DPP6: variants seen among roughly 807,000 people sequenced by gnomAD.
DPP6 encodes the protein dipeptidyl peptidase like 6, also known as A-type potassium channel modulatory protein DPP6.
Under a neutral mutation model 122.6 loss-of-function variants are expected in DPP6, and 69 were observed. The observed-to-expected ratio is 0.56, with a 90% CI of 0.46 to 0.69. The LOEUF (loss-of-function observed/expected upper bound fraction) is 0.69. Ranked by LOEUF, DPP6 falls within the 30% of genes least tolerant of loss-of-function variation. The probability of loss-of-function intolerance (pLI) is 0.00; values close to 1 mark genes in which losing one functional copy is unlikely to be tolerated. For synonymous variants in DPP6, 418 were observed against 433.1 expected (o/e 0.97, Z 0.43); for missense variants, 928 against 1,116.9 (o/e 0.83, Z 2.41).
chr7:154,293,274 G>A (rs1272107232), intron 1 of DPP6, among the ~76,000 whole-genome samples: 1 of 152,218 alleles, frequency 6.6e-6, no homozygotes, highest in Non-Finnish European at 1.5e-5. Context: ...CTTCTAACAT[G>A]TAAGAAGCCT....
chr7:154,718,634 CTTTTTT>C (rs542191130), intron 7 of DPP6, among the ~76,000 whole-genome samples: 4 of 111,486 alleles, frequency 3.6e-5, no homozygotes, highest in Non-Finnish European at 3.4e-5. Context: ...CTTCCTCCTC[CTTTTTT>C]TTTTTTTTTT....
chr7:153,818,972 G>A, the DPP6 span, among the ~76,000 whole-genome samples: 2 of 149,760 alleles, frequency 1.3e-5, no homozygotes, highest in Non-Finnish European at 3.0e-5. Context: ...GGCTGGTCTC[G>A]AACTCCTGAC....
chr7:154,611,900 C>G (rs559488439), intron 5 of DPP6, among the ~76,000 whole-genome samples: 1 of 151,940 alleles, frequency 6.6e-6, no homozygotes, highest in Admixed American at 6.5e-5. Context: ...GTATTTAGTT[C>G]TGTGCAATCT....
At chr7:154,572,431 C>G (rs1166067900) in intron 5 of DPP6, among the ~76,000 whole-genome samples, 1 of 151,478 alleles carries the variant, frequency 6.6e-6, no homozygotes, top group Non-Finnish European at 1.5e-5. Flanking sequence ...ATTATTGAAC[C>G]CATATTGTGG....
intron 7 of DPP6, among the ~76,000 whole-genome samples, chr7:154,706,247 T>C (rs1840822763): frequency 6.6e-6 from 1 of 152,124 alleles, no homozygotes; most frequent in Non-Finnish European, 1.5e-5. Flanking sequence ...CCTCGGAGGA[T>C]TGTCCTTTCT....
chr7:154,219,506 C>T (rs1370055038), intron 1 of DPP6, among the ~76,000 whole-genome samples: 2 of 152,148 alleles, frequency 1.3e-5, no homozygotes, highest in South Asian at 2.1e-4. Flanking sequence ...TGAAGCTTAC[C>T]CATTGAAGAG....
chr7:154,649,912 C>G (rs181112052), intron 6 of DPP6, among the ~76,000 whole-genome samples: 150 of 152,304 alleles, frequency 9.8e-4, no homozygotes, highest in African/African-American at 3.4e-3. Flanking sequence ...AAGCCTGGTT[C>G]CTGCTTGCTC....
chr7:153,981,453 G>A (rs1796581281), intron 1 of DPP6, among the ~76,000 whole-genome samples: 1 of 152,104 alleles, frequency 6.6e-6, no homozygotes, highest in East Asian at 1.9e-4. Context: ...TGTGAAGTGG[G>A]TCTCCTGAAT....
At chr7:154,370,210 TG>T (rs1469606801) in intron 1 of DPP6, among the ~76,000 whole-genome samples, 1 of 152,184 alleles carries the variant, frequency 6.6e-6, no homozygotes, top group Non-Finnish European at 1.5e-5. Flanking sequence ...CTTGAACCCC[TG>T]ACCTCAGGTG....
intron 1 of DPP6, among the ~76,000 whole-genome samples, chr7:154,309,744 A>G (rs1806694384): frequency 6.6e-6 from 1 of 152,240 alleles, no homozygotes; most frequent in African/African-American, 2.4e-5. Flanking sequence ...GAACACAGAA[A>G]AACAAGATTC....
chr7:154,827,580 T>C (rs1176904514), intron 16 of DPP6, among the ~76,000 whole-genome samples: 1 of 151,248 alleles, frequency 6.6e-6, no homozygotes, highest in Non-Finnish European at 1.5e-5. Context: ...AAGGGATGCG[T>C]CTCTTGGAAA....
intron 1 of DPP6, among the ~76,000 whole-genome samples, chr7:154,183,109 T>C (rs1798175805): frequency 6.6e-6 from 1 of 152,212 alleles, no homozygotes; most frequent in Admixed American, 6.5e-5. Context: ...TTGCTGTTGT[T>C]GAGTCCCCAG....
chr7:154,522,906 A>T (rs571964775), intron 3 of DPP6, among the ~76,000 whole-genome samples: 3 of 152,266 alleles, frequency 2.0e-5, no homozygotes, highest in Admixed American at 6.5e-5. Context: ...TAAACACGAG[A>T]ATAGTTGCTC....
chr7:153,820,224 C>T, the DPP6 span, among the ~76,000 whole-genome samples: 229 of 152,296 alleles, frequency 1.5e-3, no homozygotes, highest in African/African-American at 5.3e-3. Context: ...TTGGAAGGTA[C>T]TGGAGACAGA....
chr7:154,883,047 AC>A (rs1805533275), intron 21 of DPP6, among the ~76,000 whole-genome samples: 1 of 99,796 alleles, frequency 1.0e-5, no homozygotes, highest in African/African-American at 4.9e-5. Context: ...GCTCACACAC[AC>A]ATGCTCACAC....
chr7:154,820,518 G>A (rs186297592), intron 16 of DPP6, among the ~76,000 whole-genome samples: 4 of 152,270 alleles, frequency 2.6e-5, no homozygotes, highest in Admixed American at 1.3e-4. Flanking sequence ...AATGAATACG[G>A]CTTCTTAATT....
intron 16 of DPP6, among the ~76,000 whole-genome samples, chr7:154,825,028 T>G (rs1280156399): frequency 6.6e-6 from 1 of 152,260 alleles, no homozygotes; most frequent in Non-Finnish European, 1.5e-5. Flanking sequence ...TTTTTAAATG[T>G]TGACAACCCA....
rs73487686 is a variant in DPP6, at chr7:154,620,020, G to A, written c.628-17801G>A. On this transcript the variant is annotated intron_variant, in intron 5 of 25. Coordinates refer to ENST00000377770, the MANE Select transcript of DPP6 (RefSeq NM_130797.4). ...AAAGATTCTGATGCAGGTAATCTGGGGTGGCCCAGGAATCCGCACATTTCA... is the reference window on the plus strand; with the variant it reads ...AAAGATTCTGATGCAGGTAATCTGGAGTGGCCCAGGAATCCGCACATTTCA... Among the ~76,000 whole-genome samples, 1,298 of 152,230 alleles carry A rather than the reference G, an allele frequency of 8.5e-3. 19 individuals are homozygous for A. Among genetic ancestry groups the A allele is most frequent in the African/African-American group, 0.029 (1,217 of 41,530 alleles).
At chr7:154,553,669 A>G (rs1303741713) in intron 4 of DPP6, among the ~76,000 whole-genome samples, 1 of 152,116 alleles carries the variant, frequency 6.6e-6, no homozygotes, top group Non-Finnish European at 1.5e-5. Flanking sequence ...CTAGTTCCAA[A>G]CTAAATTATT....
Sources: gnomAD v4.1 joint callset for allele counts (sites outside exome capture counted in the v4.1 genomes callset) on GRCh38, gnomAD v4.1.1 for gene constraint, MANE v1.5 for transcripts, NCBI Gene and HGNC (gene_info 2026-07-23, HGNC 2026-07-21) for gene names.